ART3: variants seen among roughly 807,000 people sequenced by gnomAD.
ART3 encodes the protein ADP-ribosyltransferase 3 (inactive).
A neutral mutation model predicts 48.5 loss-of-function variants in ART3; 49 were observed. That is an observed-to-expected ratio of 1.01 (90% confidence interval 0.80 to 1.28). The LOEUF is 1.28. Ranked by LOEUF, ART3 falls within the 50% of genes most tolerant of loss-of-function variation. ART3 has a pLI of 0.00. For synonymous variants in ART3, 145 were observed against 157.2 expected (o/e 0.92, Z 0.58); for missense variants, 438 against 454.3 (o/e 0.96, Z 0.33).
intron 1 of ART3, among the ~76,000 whole-genome samples, chr4:76,040,302 G>A (rs1019096726): frequency 3.9e-5 from 6 of 152,128 alleles, no homozygotes; most frequent in Non-Finnish European, 1.5e-5. Flanking sequence ...TCCAGCCTGG[G>A]TGACCCAGAG....
At chr4:76,055,087 T>C (rs1211112384) in intron 1 of ART3, among the ~76,000 whole-genome samples, 2 of 152,238 alleles carry the variant, frequency 1.3e-5, no homozygotes, top group Non-Finnish European at 2.9e-5. Context: ...TTGTCATTTT[T>C]CTAAGGCTTT....
intron 3 of ART3, among the ~76,000 whole-genome samples, chr4:76,096,320 A>T (rs1726000775): frequency 6.6e-6 from 1 of 152,244 alleles, no homozygotes; most frequent in African/African-American, 2.4e-5. Context: ...ATTCTAACAC[A>T]TCTGTTATTT....
Position 76,031,554 on chromosome 4 carries a change from T to C in ART3, c.-10+20234T>C, listed in dbSNP as rs575759254. Among the ~76,000 whole-genome samples, 17 of 152,352 alleles carry C rather than the reference T, an allele frequency of 1.1e-4. No homozygotes were observed. The East Asian group carries it at 3.3e-3, about 29-fold the overall frequency. On this transcript the variant is annotated intron_variant, in intron 1 of 9. Transcript: ENST00000341029. ...AGGGTCACTCTCTTCTTCACAAACATTTATTGAATCCCCATTTTGTACAGA... is the reference window on the plus strand; with the variant it reads ...AGGGTCACTCTCTTCTTCACAAACACTTATTGAATCCCCATTTTGTACAGA...
upstream of ART3, among the ~76,000 whole-genome samples, chr4:76,070,493 G>C (rs1424876948): frequency 1.3e-5 from 2 of 152,106 alleles, no homozygotes; most frequent in East Asian, 3.8e-4. Context: ...TGTCAGTTCA[G>C]ATCTTTTGCC....
intron 1 of ART3, among the ~76,000 whole-genome samples, chr4:76,047,189 T>C (rs1000308162): frequency 8.5e-5 from 13 of 152,114 alleles, no homozygotes; most frequent in African/African-American, 3.1e-4. Context: ...ACCACACTGA[T>C]AACAAGCCCT....
chr4:76,092,128 C>T (rs948617927), intron 3 of ART3, among the ~76,000 whole-genome samples: 1 of 152,140 alleles, frequency 6.6e-6, no homozygotes, highest in Non-Finnish European at 1.5e-5. Flanking sequence ...TTTAGAATCA[C>T]CTTGTCAATT....
intron 1 of ART3, among the ~76,000 whole-genome samples, chr4:76,029,081 GTTCCATTT>G (rs1377789788): frequency 6.6e-6 from 1 of 152,068 alleles, no homozygotes; most frequent in Non-Finnish European, 1.5e-5. Flanking sequence ...GTGATACTTT[GTTCCATTT>G]TTAATCAAAA....
At chr4:76,028,131 G>T (rs1217199039) in intron 1 of ART3, among the ~76,000 whole-genome samples, 2 of 151,926 alleles carry the variant, frequency 1.3e-5, no homozygotes, top group Non-Finnish European at 2.9e-5. Flanking sequence ...TTCTGCTCAG[G>T]GTAGAAACCT....
At chr4:76,080,928 G>C (rs1473721139) in intron 2 of ART3, among the ~76,000 whole-genome samples, 1 of 152,130 alleles carries the variant, frequency 6.6e-6, no homozygotes, top group Admixed American at 6.5e-5. Context: ...TCAAAGTGGT[G>C]TTAATTACAT....
At chr4:76,090,648 C>T (rs1383592572) in intron 3 of ART3, among the ~76,000 whole-genome samples, 1 of 152,124 alleles carries the variant, frequency 6.6e-6, no homozygotes, top group Non-Finnish European at 1.5e-5. Flanking sequence ...ATGTGGAGGG[C>T]TTCTTTTGGT....
intron 3 of ART3, among the ~76,000 whole-genome samples, chr4:76,096,107 G>A (rs1321144542): frequency 6.6e-6 from 1 of 152,080 alleles, no homozygotes; most frequent in African/African-American, 2.4e-5. Flanking sequence ...ATTTTTAGTG[G>A]AGACGGGGTT....
chr4:76,042,125 T>TA (rs1214496877), intron 1 of ART3, among the ~76,000 whole-genome samples: 4 of 152,186 alleles, frequency 2.6e-5, no homozygotes, highest in East Asian at 1.9e-4. Flanking sequence ...CTTTTCAGCT[T>TA]AAAAAATCTG....
chr4:76,105,441 A>G, intron 10 of ART3: 1 of 1,224,876 alleles, frequency 8.2e-7, no homozygotes, highest in South Asian at 1.4e-5. Flanking sequence ...CTAGCAAAGT[A>G]CCTAGCAAAA....
intron 10 of ART3, among the ~76,000 whole-genome samples, chr4:76,105,230 C>T (rs17001398): frequency 0.03 from 4,638 of 152,252 alleles, 197 homozygotes; most frequent in African/African-American, 0.094. Flanking sequence ...GGGTCTTGCT[C>T]ATCTGGCTAT....
intron 11 of ART3, among the ~76,000 whole-genome samples, chr4:76,110,334 G>A (rs1729246032): frequency 1.3e-5 from 2 of 152,314 alleles, no homozygotes; most frequent in African/African-American, 4.8e-5. Flanking sequence ...ACAGGAGGAT[G>A]TGTGTAGGTA....
chr4:76,014,599 AAGG>A (rs1171438808), intron 1 of ART3, among the ~76,000 whole-genome samples: 1 of 152,182 alleles, frequency 6.6e-6, no homozygotes, highest in Non-Finnish European at 1.5e-5. Context: ...TGAGTTTCGG[AAGG>A]AGAAGAGAGA....
intron 1 of ART3, among the ~76,000 whole-genome samples, chr4:76,043,593 C>T (rs935426579): frequency 6.6e-6 from 1 of 152,134 alleles, no homozygotes; most frequent in Non-Finnish European, 1.5e-5. Flanking sequence ...CGGGGCCCAC[C>T]AAGCCCACGC....
intron 1 of ART3, among the ~76,000 whole-genome samples, chr4:76,056,281 C>T (rs1030642242): frequency 2.0e-5 from 3 of 152,126 alleles, no homozygotes. Flanking sequence ...TGGAAGGATG[C>T]CAGGGATTAG....
intron 1 of ART3, among the ~76,000 whole-genome samples, chr4:76,061,210 A>G (rs182410626): frequency 1.4e-3 from 216 of 152,322 alleles, no homozygotes; most frequent in African/African-American, 5.1e-3. Context: ...CAAACTCATT[A>G]CATTGAGATA....
Sources: gnomAD v4.1 joint callset for allele counts (sites outside exome capture counted in the v4.1 genomes callset) on GRCh38, gnomAD v4.1.1 for gene constraint, MANE v1.5 for transcripts, NCBI Gene and HGNC (gene_info 2026-07-23, HGNC 2026-07-21) for gene names.